Variants in SYTL5 observed in about 807,000 individuals in gnomAD.
The protein encoded by SYTL5 is synaptotagmin like 5, also known as synaptotagmin-like protein 5.
SYTL5 carries 34 observed loss-of-function variants against 55.9 expected under a neutral mutation model. The ratio of observed to expected loss-of-function variants is 0.61; its 90% CI spans 0.46 to 0.81. The LOEUF is 0.81. Among genes scored for constraint, SYTL5 ranks in the 30% least tolerant of loss-of-function variants. SYTL5 has a pLI of 0.00. For missense variants in SYTL5, 637 were observed against 546.7 expected (o/e 1.17, Z -1.65); for synonymous variants, 221 against 188.7 (o/e 1.17, Z -1.40).
At chrX:37,952,978 C>T in the SYTL5 span, among the ~76,000 whole-genome samples, 1 of 110,301 alleles carries the variant, frequency 9.1e-6, no homozygotes, top group Non-Finnish European at 1.9e-5. Flanking sequence ...CTTCAGAGAA[C>T]GTGAAAGAGT....
intron 1 of SYTL5, among the ~76,000 whole-genome samples, chrX:38,014,559 G>A (rs1250727964): frequency 1.8e-5 from 2 of 111,974 alleles, no homozygotes; most frequent in African/African-American, 6.5e-5. Context: ...CTGACGACAT[G>A]TGCCCAAGGT....
At chrX:38,062,016 G>A (rs371925122) in intron 3 of SYTL5, among the ~76,000 whole-genome samples, 5 of 109,413 alleles carry the variant, frequency 4.6e-5, no homozygotes, top group East Asian at 2.8e-4. Context: ...CACCCAAGCC[G>A]GAGTGCAGTG....
chrX:38,028,032 G>A (rs375074943), intron 1 of SYTL5, among the ~76,000 whole-genome samples: 10 of 110,408 alleles, frequency 9.1e-5, no homozygotes, highest in Admixed American at 1.9e-4. Context: ...CACTATGTTC[G>A]CCAGGCTGGT....
intron 5 of SYTL5, among the ~76,000 whole-genome samples, chrX:38,075,011 G>A (rs1285601752): frequency 9.0e-6 from 1 of 110,635 alleles, no homozygotes; most frequent in East Asian, 2.8e-4. Flanking sequence ...ATCTAGCATG[G>A]CACCTGACTC....
the SYTL5 span, among the ~76,000 whole-genome samples, chrX:37,980,289 T>C: frequency 3.6e-5 from 4 of 112,043 alleles, no homozygotes; most frequent in Non-Finnish European, 5.6e-5. Flanking sequence ...GAGGAAATAC[T>C]CTGGATTCCC....
chrX:37,987,546 C>T, the SYTL5 span, among the ~76,000 whole-genome samples: 447 of 112,042 alleles, frequency 4.0e-3, 1 homozygote, highest in African/African-American at 0.014. Context: ...TATCCAGCAT[C>T]AACCTCAGTG....
In SYTL5 at chrX:38,093,528, G is replaced by T. The variant is rs192295394; in HGVS notation, c.832-767G>T. 1.6e-3 allele frequency among the ~76,000 whole-genome samples: 182 copies of T among 111,351 alleles called. 2 individuals carry two copies. The highest frequency in any genetic ancestry group is 3.0e-3 in the Non-Finnish European group (160 of 53,087). On this transcript the variant is annotated intron_variant, in intron 7 of 16. Coordinates refer to ENST00000297875, the MANE Select transcript of SYTL5 (RefSeq NM_138780.3). ...GAGGCAGCAGTCAAGCCCTGCCTTG[G>T]TCTATGGCAGGGCAAAGGTCACAGA... is the stretch of plus-strand genomic sequence containing the variant.
the SYTL5 span, among the ~76,000 whole-genome samples, chrX:37,903,346 T>A: frequency 9.4e-6 from 1 of 106,271 alleles, no homozygotes; most frequent in Non-Finnish European, 1.9e-5. Flanking sequence ...GTGGCACATA[T>A]ACACCATGGA....
the SYTL5 span, among the ~76,000 whole-genome samples, chrX:37,971,786 C>T: frequency 9.2e-5 from 10 of 109,289 alleles, no homozygotes; most frequent in Non-Finnish European, 1.9e-4. Flanking sequence ...GGTCATTCTC[C>T]TTGTTTTATC....
chrX:37,928,186 G>A, the SYTL5 span, among the ~76,000 whole-genome samples: 32 of 112,098 alleles, frequency 2.9e-4, no homozygotes, highest in East Asian at 3.9e-3. Context: ...CATGCATGGG[G>A]GCTGTATCAA....
intron 1 of SYTL5, among the ~76,000 whole-genome samples, chrX:38,011,082 G>C (rs1395789092): frequency 8.9e-6 from 1 of 112,185 alleles, no homozygotes; most frequent in Non-Finnish European, 1.9e-5. Flanking sequence ...CTGTGTTTTA[G>C]AATCTGGTTA....
chrX:38,022,491 A>G (rs1008985576), intron 1 of SYTL5, among the ~76,000 whole-genome samples: 1 of 111,872 alleles, frequency 8.9e-6, no homozygotes, highest in East Asian at 2.8e-4. Flanking sequence ...TCCAGCTTCT[A>G]GAGGCCATCT....
At position 38,107,402 on chromosome X, in the gene SYTL5, T is replaced by C. The variant is rs984744188; in HGVS notation, c.1334+631T>C. ...CCAGTGGAGTCACATAGGATGCATTTAATTCCTCTGGCGATGAGTTCTGAC... is the reference window on the plus strand; with the variant it reads ...CCAGTGGAGTCACATAGGATGCATTCAATTCCTCTGGCGATGAGTTCTGAC... On this transcript the variant is annotated intron_variant, in intron 11 of 16. Coordinates refer to ENST00000297875, the MANE Select transcript of SYTL5 (RefSeq NM_138780.3). 6.3e-5 allele frequency among the ~76,000 whole-genome samples: 7 copies of C among 111,971 alleles called. No individual in the cohort carries two copies. The East Asian group carries it at 2.0e-3, about 31-fold the overall frequency.
In SYTL5 at chrX:38,109,953, T is replaced by A. The variant is rs181088982; in HGVS notation, c.1435-368T>A. ...ATAAAATAAGAGAGAAGGTGGAGAA[T>A]GTATATATTAAACCTTGAGCTTACA... On this transcript the variant is annotated intron_variant, in intron 12 of 16. Transcript: ENST00000297875. 2.3e-3 allele frequency among the ~76,000 whole-genome samples: 256 copies of A among 111,131 alleles called. 1 individual carries two copies. The highest frequency in any genetic ancestry group is 3.4e-3 in the Non-Finnish European group (181 of 53,062).
chrX:37,920,987 G>C, the SYTL5 span, among the ~76,000 whole-genome samples: 2 of 111,031 alleles, frequency 1.8e-5, no homozygotes, highest in Non-Finnish European at 3.8e-5. Context: ...TTATTTTACT[G>C]CTTCCCTCCA....
chrX:38,040,055 G>T (rs1459863409), intron 2 of SYTL5, among the ~76,000 whole-genome samples: 2 of 110,006 alleles, frequency 1.8e-5, no homozygotes, highest in African/African-American at 3.3e-5. Flanking sequence ...TGCGCCTGTA[G>T]TCCCAGCTAC....
chrX:38,113,179 A>G (rs1937400860), intron 13 of SYTL5, among the ~76,000 whole-genome samples: 1 of 111,989 alleles, frequency 8.9e-6, no homozygotes, highest in Non-Finnish European at 1.9e-5. Context: ...ACTTCATGGC[A>G]TGGGATTATT....
At chrX:38,041,942 A>G (rs1935299300) in intron 2 of SYTL5, among the ~76,000 whole-genome samples, 1 of 111,126 alleles carries the variant, frequency 9.0e-6, no homozygotes, top group Admixed American at 9.5e-5. Flanking sequence ...GATATCCATC[A>G]CCTTAAGTAT....
the SYTL5 span, among the ~76,000 whole-genome samples, chrX:37,909,927 A>C: frequency 1.8e-5 from 2 of 111,032 alleles, no homozygotes; most frequent in Non-Finnish European, 3.8e-5. Context: ...CACCCGCCTC[A>C]GCCTCCCAAA....
Sources: gnomAD v4.1 joint callset for allele counts (sites outside exome capture counted in the v4.1 genomes callset) on GRCh38, gnomAD v4.1.1 for gene constraint, MANE v1.5 for transcripts, NCBI Gene and HGNC (gene_info 2026-07-23, HGNC 2026-07-21) for gene names.